Variants in ADARB2 observed in about 807,000 individuals in gnomAD.
ADARB2 encodes the protein inactive double-stranded RNA-specific editase B2.
ADARB2 carries 25 observed loss-of-function variants against 62.2 expected under a neutral mutation model. The observed-to-expected ratio is 0.40, with a 90% CI of 0.29 to 0.56. The LOEUF (loss-of-function observed/expected upper bound fraction) is 0.56. ADARB2 is among the 20% of genes least tolerant of loss of function. ADARB2 has a pLI of 0.43. For missense variants in ADARB2, 1,071 were observed against 1,077.4 expected, an observed-to-expected ratio of 0.99 and a Z score of 0.08; for synonymous variants, 572 against 500.8, an observed-to-expected ratio of 1.14 and a Z score of -1.90.
At chr10:1,532,320 G>T (rs1263058402) in intron 1 of ADARB2, among the ~76,000 whole-genome samples, 6 of 152,182 alleles carry the variant, frequency 3.9e-5, no homozygotes, top group African/African-American at 1.4e-4. Context: ...AACAAAACCA[G>T]CACCAAAAAC....
chr10:1,380,019 A>G (rs1832468730), intron 1 of ADARB2, among the ~76,000 whole-genome samples: 2 of 152,230 alleles, frequency 1.3e-5, no homozygotes, highest in South Asian at 4.1e-4. Context: ...ATCCAAAAGA[A>G]AAGCTCCTTA....
intron 1 of ADARB2, among the ~76,000 whole-genome samples, chr10:1,565,534 G>C (rs2131988896): frequency 6.6e-6 from 1 of 152,250 alleles, no homozygotes; most frequent in East Asian, 1.9e-4. Context: ...CAGGGAAAGG[G>C]GCCAATCTCT....
At chr10:1,567,411 G>A (rs995818260) in intron 1 of ADARB2, among the ~76,000 whole-genome samples, 4 of 152,192 alleles carry the variant, frequency 2.6e-5, no homozygotes, top group African/African-American at 9.7e-5. Flanking sequence ...GCTTTAGCAT[G>A]GGTCTCTGCA....
Position 1,271,120 on chromosome 10 carries a change from A to G in ADARB2, c.1078-51T>C, listed in dbSNP as rs202041001. On this transcript the variant is annotated intron_variant, in intron 3 of 9. Coordinates refer to ENST00000381312, the MANE Select transcript of ADARB2 (RefSeq NM_018702.4). ...ACGTTGGGCTGAGCAGGTGCCGTGG[A>G]GGATGATGGGGCACTGTCCTCCCCG... The G allele has an allele frequency of 9.3e-4, 1,379 of 1,478,790 alleles. 4 individuals are homozygous for G. The highest frequency in any genetic ancestry group is 1.0e-3 in the Non-Finnish European group (1,110 of 1,066,806). 91.6% of individuals were successfully genotyped at this position (1,478,790 alleles called of 1,614,324 possible).
chr10:1,342,111 T>C (rs1832035317), intron 3 of ADARB2, among the ~76,000 whole-genome samples: 1 of 152,362 alleles, frequency 6.6e-6, no homozygotes, highest in South Asian at 2.1e-4. Flanking sequence ...AGTGCCCACA[T>C]CTTGGGGTGT....
At chr10:1,543,080 G>A (rs1279226432) in intron 1 of ADARB2, among the ~76,000 whole-genome samples, 1 of 152,258 alleles carries the variant, frequency 6.6e-6, no homozygotes, top group Non-Finnish European at 1.5e-5. Flanking sequence ...TCCCTGCCTG[G>A]GTTGTTGGGA....
In ADARB2 at chr10:1,482,962, T is replaced by C. The variant is rs534859093; in HGVS notation, c.101-103802A>G. On this transcript the variant is annotated intron_variant, in intron 1 of 9. Coordinates refer to ENST00000381312, the MANE Select transcript of ADARB2 (RefSeq NM_018702.4). ...TAAATTTGTAGCTCAACTTGTAAAT[T>C]GCCCATGTATGTGTTCTAACTTTCC... Among the ~76,000 whole-genome samples the C allele has an allele frequency of 2.0e-5, 3 of 152,210 alleles. No individual in the cohort carries two copies. The South Asian group carries it at 6.2e-4, about 32-fold the overall frequency.
intron 2 of ADARB2, among the ~76,000 whole-genome samples, chr10:1,375,128 G>A (rs1832410949): frequency 6.6e-6 from 1 of 152,166 alleles, no homozygotes; most frequent in African/African-American, 2.4e-5. Flanking sequence ...CGGCTGTCAG[G>A]AAACCTCTTT....
chr10:1,556,871 G>T (rs371697819), intron 1 of ADARB2: 2 of 528,884 alleles, frequency 3.8e-6, no homozygotes, highest in East Asian at 5.5e-5. Flanking sequence ...ATGGGGGAAG[G>T]TTTGGTACCT....
chr10:1,389,799 A>C (rs1252787028), intron 1 of ADARB2, among the ~76,000 whole-genome samples: 3 of 151,660 alleles, frequency 2.0e-5, no homozygotes, highest in Non-Finnish European at 4.4e-5. Flanking sequence ...AATAAAAAAT[A>C]AAGGCTGACG....
chr10:1,587,233 A>C (rs4408245), intron 1 of ADARB2, among the ~76,000 whole-genome samples: 3,709 of 152,328 alleles, frequency 0.024, 151 homozygotes, highest in African/African-American at 0.084. Flanking sequence ...AAACAAAACA[A>C]AAAGAACAAT....
Position 1,178,565 on chromosome 10 carries a change from A to G in ADARB2, c.*4628T>C, listed in dbSNP as rs1385729524. 1 of 152,266 alleles carries G rather than the reference A, an allele frequency of 6.6e-6. No homozygotes were observed. Among genetic ancestry groups the G allele is most frequent in the Non-Finnish European group, 1.5e-5 (1 of 68,096 alleles). The allele number at this position is 152,266 out of a possible 1,614,324, so 9.4% of individuals were successfully genotyped here. A position where few individuals can be genotyped will look rare whatever the true frequency, so the allele number is the denominator to read the frequency against. ...GAACCCAGACAGCGGCAAGGCCTAC[A>G]CCGTGTCCTCCAGCCACCCGCCTAG... On this transcript the variant is annotated 3_prime_UTR_variant, in exon 10 of 10. Coordinates refer to ENST00000381312, the MANE Select transcript of ADARB2 (RefSeq NM_018702.4).
intron 1 of ADARB2, among the ~76,000 whole-genome samples, chr10:1,538,279 C>T (rs955541698): frequency 6.6e-6 from 1 of 152,210 alleles, no homozygotes; most frequent in African/African-American, 2.4e-5. Flanking sequence ...AAGGAGGGAG[C>T]CCGTGGGTCT....
Position 1,426,159 on chromosome 10 carries a change from G to T in ADARB2, c.101-46999C>A, listed in dbSNP as rs1832891793. Among the ~76,000 whole-genome samples the T allele has an allele frequency of 6.6e-6, 1 of 152,128 alleles. No homozygotes were observed. Among genetic ancestry groups the T allele is most frequent in the Non-Finnish European group, 1.5e-5 (1 of 68,022 alleles). On this transcript the variant is annotated intron_variant, in intron 1 of 9. Transcript: ENST00000381312. This position sits in a 1 kb window ranked among gnomAD's most constrained non-coding sequence, Gnocchi z 4.1. ...GAGAAGGGGAATCAAGATCTGATGT[G>T]TAAAAGAGCCTGTGGTTTAAAATAT...
At chr10:1,537,212 AG>A (rs1049029836) in intron 1 of ADARB2, among the ~76,000 whole-genome samples, 14 of 152,374 alleles carry the variant, frequency 9.2e-5, no homozygotes, top group African/African-American at 3.4e-4. Flanking sequence ...ATATGAAAAA[AG>A]CTCACCATCA....
chr10:1,381,149 C>T (rs1444305300), intron 1 of ADARB2, among the ~76,000 whole-genome samples: 2 of 143,054 alleles, frequency 1.4e-5, no homozygotes, highest in East Asian at 4.1e-4. Context: ...TTGTGTGGGA[C>T]ACACACATAT....
intron 1 of ADARB2, among the ~76,000 whole-genome samples, chr10:1,501,642 C>T (rs1831769765): frequency 6.6e-6 from 1 of 152,106 alleles, no homozygotes; most frequent in Non-Finnish European, 1.5e-5. Context: ...CAGAGGGGCC[C>T]AATCAAAACA....
rs907178322 is a variant in ADARB2, at chr10:1,182,008, C to T, written c.*1185G>A. 2 of 152,198 alleles carry T rather than the reference C, an allele frequency of 1.3e-5. No individual in the cohort carries two copies. The highest frequency in any genetic ancestry group is 2.4e-5 in the African/African-American group (1 of 41,420). 9.4% of individuals were successfully genotyped at this position (152,198 alleles called of 1,614,324 possible). The stretch of plus-strand genomic sequence containing the variant: ...AGCTGAAGGTCTCTGGTGTTGGAAG[C>T]CTGCTCTGAGGGTCACAGAATCCTG... On this transcript the variant is annotated 3_prime_UTR_variant, in exon 10 of 10. Coordinates refer to ENST00000381312, the MANE Select transcript of ADARB2 (RefSeq NM_018702.4).
intron 1 of ADARB2, among the ~76,000 whole-genome samples, chr10:1,694,003 G>A (rs1478815075): frequency 2.0e-5 from 3 of 152,186 alleles, no homozygotes; most frequent in Non-Finnish European, 4.4e-5. Context: ...TGATTCTTTA[G>A]CCAAAAAGCC....
Sources: gnomAD v4.1 joint callset for allele counts (sites outside exome capture counted in the v4.1 genomes callset) on GRCh38, gnomAD v4.1.1 for gene constraint, Gnocchi (gnomAD v3.1) non-coding constraint, MANE v1.5 for transcripts, NCBI Gene and HGNC (gene_info 2026-07-23, HGNC 2026-07-21) for gene names.